Variants in SPMIP3 observed in about 807,000 individuals in gnomAD.
SPMIP3 encodes the protein protein SPMIP3.
chr1:244,354,948 G>T, the SPMIP3 span, among the ~76,000 whole-genome samples: 1 of 152,200 alleles, frequency 6.6e-6, no homozygotes. Context: ...GTGGCTCTAT[G>T]ATTAATCTCT....
chr1:244,369,776 G>A, the SPMIP3 span, among the ~76,000 whole-genome samples: 2 of 152,186 alleles, frequency 1.3e-5, no homozygotes, highest in Admixed American at 6.5e-5. Context: ...TTAGGACTAG[G>A]TGTGCTGTTT....
At chr1:244,383,075 G>GTTCT in the SPMIP3 span, among the ~76,000 whole-genome samples, 2 of 152,080 alleles carry the variant, frequency 1.3e-5, no homozygotes, top group African/African-American at 4.8e-5. Context: ...ACTGGACTTG[G>GTTCT]TGATATATTT....
chr1:244,384,895 T>C, the SPMIP3 span, among the ~76,000 whole-genome samples: 30 of 152,200 alleles, frequency 2.0e-4, no homozygotes, highest in African/African-American at 5.8e-4. Flanking sequence ...TCCTAACCAT[T>C]TGGCCAGTTT....
chr1:244,375,185 G>T, the SPMIP3 span: 1 of 459,418 alleles, frequency 2.2e-6, no homozygotes, highest in Non-Finnish European at 3.9e-6. Flanking sequence ...ACTCAGCTAT[G>T]GTAGAAAAGG....
the SPMIP3 span, among the ~76,000 whole-genome samples, chr1:244,374,005 C>T: frequency 6.6e-6 from 1 of 151,840 alleles, no homozygotes; most frequent in East Asian, 1.9e-4. Context: ...TCCAGCTACT[C>T]GGGAGGCTGA....
the SPMIP3 span, among the ~76,000 whole-genome samples, chr1:244,369,945 G>C: frequency 6.6e-6 from 1 of 152,118 alleles, no homozygotes; most frequent in Non-Finnish European, 1.5e-5. Context: ...GAACATGCTG[G>C]CCCTCAGGTA....
chr1:244,372,665 G>A, the SPMIP3 span, among the ~76,000 whole-genome samples: 36 of 152,182 alleles, frequency 2.4e-4, no homozygotes, highest in African/African-American at 7.2e-4. Context: ...GGATGGTCTC[G>A]AACTCCTGAC....
At chr1:244,364,113 CT>C in the SPMIP3 span, among the ~76,000 whole-genome samples, 68 of 147,966 alleles carry the variant, frequency 4.6e-4, no homozygotes, top group Admixed American at 6.7e-4. Context: ...TTTGCTTTTT[CT>C]TTTTTTTTTT....
At chr1:244,356,918 CTTTT>C in the SPMIP3 span, among the ~76,000 whole-genome samples, 7,154 of 103,664 alleles carry the variant, frequency 0.069, 106 homozygotes, top group African/African-American at 0.084. Context: ...TTTTCTTTTC[CTTTT>C]TTTTTTTTTT....
At chr1:244,373,848 T>C in the SPMIP3 span, among the ~76,000 whole-genome samples, 1 of 152,114 alleles carries the variant, frequency 6.6e-6, no homozygotes, top group Non-Finnish European at 1.5e-5. Flanking sequence ...GTGCAGTGGC[T>C]CATGCCTGTA....
At chr1:244,382,417 A>G in the SPMIP3 span, among the ~76,000 whole-genome samples, 93,325 of 151,882 alleles carry the variant, frequency 0.61, 29,301 homozygotes, top group African/African-American at 0.74. Flanking sequence ...AAGCCTGGAA[A>G]CTGGGAAGGG....
the SPMIP3 span, among the ~76,000 whole-genome samples, chr1:244,370,240 A>G: frequency 6.6e-6 from 1 of 152,196 alleles, no homozygotes; most frequent in African/African-American, 2.4e-5. Flanking sequence ...AGACAGTATC[A>G]TTCCCATTTT....
At chr1:244,363,988 GC>G in the SPMIP3 span, among the ~76,000 whole-genome samples, 55,423 of 151,926 alleles carry the variant, frequency 0.36, 11,489 homozygotes, top group Middle Eastern at 0.5. Context: ...AGGTAGGAAG[GC>G]CCACTAAGAA....
the SPMIP3 span, among the ~76,000 whole-genome samples, chr1:244,388,380 C>G: frequency 4.9e-5 from 7 of 144,164 alleles, no homozygotes; most frequent in African/African-American, 1.8e-4. Flanking sequence ...GTCCCCCCAT[C>G]CTTCCCCCCA....
At chr1:244,387,259 C>T in the SPMIP3 span, among the ~76,000 whole-genome samples, 1 of 151,446 alleles carries the variant, frequency 6.6e-6, no homozygotes, top group Non-Finnish European at 1.5e-5. Context: ...GATGGCGCCA[C>T]TGCGCTCCAG....
the SPMIP3 span, chr1:244,364,837 C>T: frequency 6.6e-5 from 91 of 1,386,448 alleles, 1 homozygote; most frequent in South Asian, 7.2e-4. Context: ...GCACATCCTG[C>T]TGCTCAGTGG....
the SPMIP3 span, among the ~76,000 whole-genome samples, chr1:244,379,939 G>C: frequency 6.8e-6 from 1 of 146,780 alleles, no homozygotes; most frequent in African/African-American, 2.5e-5. Context: ...CTGCACTCCA[G>C]CCTGGGCAAC....
the SPMIP3 span, among the ~76,000 whole-genome samples, chr1:244,388,048 T>G: frequency 3.9e-5 from 6 of 151,938 alleles, no homozygotes; most frequent in Admixed American, 6.6e-5. Context: ...CTGCCTCACC[T>G]TACCGAGTAG....
the SPMIP3 span, among the ~76,000 whole-genome samples, chr1:244,358,583 A>C: frequency 7.1e-5 from 1 of 14,018 alleles, no homozygotes; most frequent in Admixed American, 1.3e-3. Context: ...AGAGTGTCTC[A>C]AAAAAAAAAA....
Sources: gnomAD v4.1 joint callset for allele counts (sites outside exome capture counted in the v4.1 genomes callset) on GRCh38, gnomAD v4.1.1 for gene constraint, MANE v1.5 for transcripts, NCBI Gene and HGNC (gene_info 2026-07-23, HGNC 2026-07-21) for gene names.